Variants in ATG10 observed in about 807,000 individuals in gnomAD.
ATG10 encodes ubiquitin-like-conjugating enzyme ATG10.
In ATG10, 30 loss-of-function variants were observed where a neutral mutation model predicts 32.1. The ratio of observed to expected loss-of-function variants is 0.94; its 90% CI spans 0.70 to 1.27. ATG10 has a LOEUF of 1.27. ATG10 is among the 50% of genes most tolerant of loss of function. The pLI, the probability that ATG10 is intolerant of heterozygous loss-of-function variation, is 0.00. For missense variants in ATG10, 233 were observed against 262.3 expected, an observed-to-expected ratio of 0.89 and a Z score of 0.77; for synonymous variants, 87 against 91.5, an observed-to-expected ratio of 0.95 and a Z score of 0.28.
intron 3 of ATG10, among the ~76,000 whole-genome samples, chr5:82,074,605 A>T (rs1296725507): frequency 6.6e-6 from 1 of 152,118 alleles, no homozygotes; most frequent in Non-Finnish European, 1.5e-5. Context: ...AAGGGACATA[A>T]ATCAGCCAAG....
chr5:82,120,021 C>G (rs575493188), intron 3 of ATG10, among the ~76,000 whole-genome samples: 2 of 145,486 alleles, frequency 1.4e-5, no homozygotes, highest in Non-Finnish European at 3.1e-5. Flanking sequence ...TGTGTGTGTA[C>G]GCACGCACAT....
intron 2 of ATG10, among the ~76,000 whole-genome samples, chr5:82,052,047 C>T (rs1763446636): frequency 1.3e-5 from 2 of 152,256 alleles, no homozygotes; most frequent in Admixed American, 1.3e-4. Context: ...CTTGTTTGAT[C>T]AGTGCTGGCA....
intron 5 of ATG10, among the ~76,000 whole-genome samples, chr5:82,214,432 T>C (rs7718969): frequency 0.25 from 37,787 of 152,170 alleles, 6,245 homozygotes; most frequent in African/African-American, 0.48. Flanking sequence ...CGAAGACTAC[T>C]AATTTACAAA....
chr5:82,148,072 C>G (rs966050677), intron 3 of ATG10: 1 of 152,200 alleles, frequency 6.6e-6, no homozygotes, highest in East Asian at 1.9e-4. Flanking sequence ...GGGTTAAATC[C>G]AGCCACCTGC....
chr5:82,153,942 G>T (rs1159759648), intron 3 of ATG10, among the ~76,000 whole-genome samples: 61 of 146,688 alleles, frequency 4.2e-4, no homozygotes, highest in African/African-American at 1.4e-3. Context: ...TAGAGACAGG[G>T]TGTCACTCTG....
intron 3 of ATG10, among the ~76,000 whole-genome samples, chr5:82,137,594 CTCAGAGGGCCACCTG>C (rs759197443): frequency 7.2e-5 from 11 of 152,188 alleles, no homozygotes; most frequent in Admixed American, 1.3e-4. Flanking sequence ...GAAGTTTCTT[CTCAGAGGGCCACCTG>C]TCAGATGCCA....
At chr5:82,054,899 A>G (rs1231164316) in intron 2 of ATG10, among the ~76,000 whole-genome samples, 1 of 152,202 alleles carries the variant, frequency 6.6e-6, no homozygotes, top group African/African-American at 2.4e-5. Context: ...GTTCAAGTGT[A>G]AGCTATGATA....
chr5:82,213,950 A>T (rs1198638352), intron 5 of ATG10, among the ~76,000 whole-genome samples: 2 of 152,156 alleles, frequency 1.3e-5, no homozygotes, highest in Admixed American at 6.5e-5. Flanking sequence ...TTTGGGCCTT[A>T]GATATTGTAT....
chr5:82,087,670 G>A (rs986807241), intron 3 of ATG10, among the ~76,000 whole-genome samples: 6 of 152,118 alleles, frequency 3.9e-5, no homozygotes, highest in Non-Finnish European at 8.8e-5. Flanking sequence ...CACCCCAACT[G>A]GACACTAGTT....
chr5:82,079,204 G>T (rs1369218517), intron 3 of ATG10, among the ~76,000 whole-genome samples: 1 of 152,060 alleles, frequency 6.6e-6, no homozygotes, highest in African/African-American at 2.4e-5. Flanking sequence ...TCATGCTGCT[G>T]ATAGAGATAT....
intron 3 of ATG10, among the ~76,000 whole-genome samples, chr5:82,119,984 TTG>T (rs5869106): frequency 0.035 from 5,155 of 147,880 alleles, 148 homozygotes; most frequent in African/African-American, 0.087. Context: ...CCACCATTTA[TTG>T]TGTGTGTGTG....
At chr5:82,162,054 G>C (rs1349526864) in intron 3 of ATG10, among the ~76,000 whole-genome samples, 1 of 151,594 alleles carries the variant, frequency 6.6e-6, no homozygotes. Flanking sequence ...AAAGAAAACA[G>C]AAAGTGTTTT....
intron 3 of ATG10, among the ~76,000 whole-genome samples, chr5:82,091,793 A>G (rs972630260): frequency 6.6e-6 from 1 of 152,164 alleles, no homozygotes; most frequent in African/African-American, 2.4e-5. Flanking sequence ...CTCAAGAAGC[A>G]TTTTCAGTTG....
intron 2 of ATG10, among the ~76,000 whole-genome samples, chr5:82,056,088 G>A (rs1222710413): frequency 6.6e-6 from 1 of 152,156 alleles, no homozygotes; most frequent in Non-Finnish European, 1.5e-5. Context: ...GTTAAGTGAT[G>A]CATGACTGTA....
chr5:81,995,232 G>A (rs1761625012), intron 2 of ATG10, among the ~76,000 whole-genome samples: 1 of 152,216 alleles, frequency 6.6e-6, no homozygotes, highest in Non-Finnish European at 1.5e-5. Context: ...CCAGGTTCAA[G>A]TGATTCTCAT....
At chr5:82,233,775 A>C (rs574080520) in intron 5 of ATG10, among the ~76,000 whole-genome samples, 91 of 152,322 alleles carry the variant, frequency 6.0e-4, no homozygotes, top group Non-Finnish European at 1.2e-3. Context: ...GGAGAGAAAA[A>C]AAACTTTTCT....
At chr5:82,249,051 G>T (rs1003935996) in intron 5 of ATG10, among the ~76,000 whole-genome samples, 6 of 152,044 alleles carry the variant, frequency 3.9e-5, no homozygotes, top group African/African-American at 1.4e-4. Flanking sequence ...TGTTTTAAAT[G>T]ACATTGCCAT....
intron 3 of ATG10, among the ~76,000 whole-genome samples, chr5:82,150,797 G>C (rs1418509474): frequency 6.6e-6 from 1 of 152,210 alleles, no homozygotes; most frequent in Non-Finnish European, 1.5e-5. Context: ...CTCTGTAACA[G>C]AAACTGCATG....
At chr5:82,025,299 G>A (rs547723374) in intron 2 of ATG10, among the ~76,000 whole-genome samples, 2 of 152,236 alleles carry the variant, frequency 1.3e-5, no homozygotes, top group East Asian at 3.9e-4. Context: ...AGAGTTAGAA[G>A]GTCATATAAT....
Sources: gnomAD v4.1 joint callset for allele counts (sites outside exome capture counted in the v4.1 genomes callset) on GRCh38, gnomAD v4.1.1 for gene constraint, MANE v1.5 for transcripts, NCBI Gene and HGNC (gene_info 2026-07-23, HGNC 2026-07-21) for gene names.